The following DLST variants were observed in gnomAD, a reference collection of about 807,000 sequenced individuals.
The protein encoded by DLST is dihydrolipoyllysine-residue succinyltransferase component of 2-oxoglutarate dehydrogenase complex, mitochondrial.
A neutral mutation model predicts 53.1 loss-of-function variants in DLST; 17 were observed. That is an observed-to-expected ratio of 0.32 (90% CI 0.22 to 0.48). The LOEUF (loss-of-function observed/expected upper bound fraction) is 0.48, where lower values mean the gene tolerates loss of function less well. Ranked by LOEUF, DLST falls within the 20% of genes least tolerant of loss-of-function variation. The pLI is 0.99. For missense variants in DLST, 512 were observed against 583.9 expected (o/e 0.88, Z 1.27); for synonymous variants, 206 against 204.8 (o/e 1.01, Z -0.05).
chr14:74,894,267 C>A (rs374052396), intron 9 of DLST, 45 bp from the exon 10 acceptor site: 1 of 1,608,022 alleles, frequency 6.2e-7, no homozygotes, highest in Admixed American at 1.7e-5. Flanking sequence ...AATGCTTGAC[C>A]CAGAGAGATC....
At chr14:74,895,381 G>GT (rs1158287698) in intron 10 of DLST, among the ~76,000 whole-genome samples, 2 of 152,232 alleles carry the variant, frequency 1.3e-5, no homozygotes, top group African/African-American at 4.8e-5. Context: ...ATGTGTTCAA[G>GT]TATCAGCACT....
In DLST at chr14:74,902,408, G is replaced by T; in HGVS notation, c.*78G>T. The stretch of plus-strand genomic sequence containing the variant: ...TCTCCCTGTCCCCTCATGGGTCCCG[G>T]GTTAGCCTGGTGACAGGCAGACACA... On this transcript the variant is annotated 3_prime_UTR_variant, in exon 15 of 15. Coordinates refer to ENST00000334220, the MANE Select transcript of DLST (RefSeq NM_001933.5). The T allele has an allele frequency of 6.7e-7, 1 of 1,486,382 alleles. No homozygotes were observed. Among genetic ancestry groups the T allele is most frequent in the Admixed American group, 1.9e-5 (1 of 51,436 alleles). 92.1% of individuals were successfully genotyped at this position (1,486,382 alleles called of 1,614,324 possible). A position where few individuals can be genotyped will look rare whatever the true frequency, so the allele number is the denominator to read the frequency against.
chr14:74,897,404 AT>A (rs1297499468), intron 10 of DLST, among the ~76,000 whole-genome samples: 1 of 152,242 alleles, frequency 6.6e-6, no homozygotes. Flanking sequence ...GTAGAACTGC[AT>A]TACTGCATTC....
chr14:74,889,186 A>T, intron 4 of DLST, 39 bp downstream of exon 4: 1 of 1,611,618 alleles, frequency 6.2e-7, no homozygotes. Flanking sequence ...TTTTATGGGA[A>T]GAGCAACAAT....
At position 74,885,611 on chromosome 14, in the gene DLST, T is replaced by C. The variant is rs1327449700; in HGVS notation, c.123T>C (p.Gly41=). The change falls in exon 3 of 15, where the codon GGT becomes GGC. Residue 41 remains glycine (G), a synonymous_variant. Transcript: ENST00000334220. The part of the protein sequence containing the change: ...LPGVSLCQGP[G]YPNSRKVVIN... Reference sequence around the variant, plus strand: ...GGGTCTCCTTATGCCAGGGACCAGGTTACCCTAACAGCAGGAAGGTTGTGT... The same window carrying C: ...GGGTCTCCTTATGCCAGGGACCAGGCTACCCTAACAGCAGGAAGGTTGTGT... The C allele has an allele frequency of 3.1e-6, 5 of 1,613,756 alleles. No homozygotes were observed. Among genetic ancestry groups the C allele is most frequent in the Admixed American group, 1.7e-5 (1 of 59,980 alleles).
At chr14:74,899,641 A>C (rs1448300359) in intron 11 of DLST, among the ~76,000 whole-genome samples, 1 of 152,228 alleles carries the variant, frequency 6.6e-6, no homozygotes, top group African/African-American at 2.4e-5. Context: ...AGTTTAGTGC[A>C]TACCTATCCT....
chr14:74,893,487 T>C (rs975056360), intron 9 of DLST, 63 bp downstream of exon 9: 60 of 1,575,256 alleles, frequency 3.8e-5, no homozygotes, highest in Non-Finnish European at 4.8e-5. Flanking sequence ...TAGTGGAGTA[T>C]GGGTGTGGTG....
At chr14:74,893,535 A>T (rs139700322) in intron 9 of DLST, 111 bp downstream of exon 9, 3 of 1,178,130 alleles carry the variant, frequency 2.5e-6, no homozygotes, top group Admixed American at 3.7e-5. Context: ...CATTCCCTCA[A>T]CCTTGATAAA....
chr14:74,894,737 C>T (rs1279553506), intron 10 of DLST, among the ~76,000 whole-genome samples: 7 of 151,662 alleles, frequency 4.6e-5, no homozygotes, highest in African/African-American at 9.7e-5. Context: ...TTAGTGGAGA[C>T]GGGGTTTCAC....
At chr14:74,898,819 TC>T (rs1404305423) in intron 11 of DLST, among the ~76,000 whole-genome samples, 1 of 151,572 alleles carries the variant, frequency 6.6e-6, no homozygotes, top group East Asian at 1.9e-4. Flanking sequence ...CTTCCTCCCC[TC>T]CCCCAGCTCC....
intron 5 of DLST, 123 bp downstream of exon 5, chr14:74,889,472 G>T: frequency 1.3e-6 from 1 of 782,422 alleles, no homozygotes; most frequent in Admixed American, 2.9e-5. Flanking sequence ...AGGTTCAAGT[G>T]ATTCTCCTGC....
At chr14:74,888,284 T>C (rs1883777609) in intron 3 of DLST, among the ~76,000 whole-genome samples, 1 of 151,722 alleles carries the variant, frequency 6.6e-6, no homozygotes, top group African/African-American at 2.4e-5. Flanking sequence ...GTTTTTTTTT[T>C]TTTTTTTTGG....
intron 3 of DLST, 64 bp downstream of exon 3, chr14:74,885,698 T>C (rs1264372825): frequency 6.8e-7 from 1 of 1,480,600 alleles, no homozygotes; most frequent in Non-Finnish European, 9.1e-7. Context: ...CATAAAGTTC[T>C]AAATTTGACC....
chr14:74,900,808 T>C (rs1356296061), intron 13 of DLST, among the ~76,000 whole-genome samples: 1 of 152,188 alleles, frequency 6.6e-6, no homozygotes, highest in Non-Finnish European at 1.5e-5. Flanking sequence ...TACTGCAGCC[T>C]TGCACTCCTG....
intron 1 of DLST, 84 bp from the exon 2 acceptor site, chr14:74,882,507 A>T: frequency 1.4e-6 from 2 of 1,388,744 alleles, no homozygotes; most frequent in Non-Finnish European, 2.0e-6. Context: ...CACCACTGGG[A>T]CAGCTTTGAG....
chr14:74,899,877 G>A (rs986460978), intron 11 of DLST, 46 bp from the exon 12 acceptor site: 1 of 1,474,508 alleles, frequency 6.8e-7, no homozygotes, highest in Non-Finnish European at 9.4e-7. Context: ...CATTAGTCTT[G>A]GCCTTCCTGG....
chr14:74,882,719 A>G, intron 2 of DLST, 95 bp downstream of exon 2: 1 of 1,183,332 alleles, frequency 8.5e-7, no homozygotes, highest in Non-Finnish European at 1.3e-6. Flanking sequence ...CATAATATTT[A>G]AAGACAGTTT....
chr14:74,885,088 A>C (rs548212520), intron 2 of DLST, among the ~76,000 whole-genome samples: 1 of 152,320 alleles, frequency 6.6e-6, no homozygotes, highest in East Asian at 1.9e-4. Context: ...AAAGTAGCCA[A>C]GTCTTTGCTA....
rs145141161 is a variant in DLST at position 74,902,057 on chromosome 14, A to G, written c.1228-139A>G. 3,029 of 931,294 alleles carry G rather than the reference A, an allele frequency of 3.3e-3. 8 individuals carry two copies. The highest frequency in any genetic ancestry group is 0.025 in the Middle Eastern group (91 of 3,618). The allele number at this position is 931,294 out of a possible 1,614,324, so 57.7% of individuals were successfully genotyped here. A position where few individuals can be genotyped will look rare whatever the true frequency, so the allele number is the denominator to read the frequency against. ...CTGAGGGTAAGTCCTGGTCTTTGAAATACTGTAAATATGCAGAGGCAACAT... is the reference window on the plus strand; with the variant it reads ...CTGAGGGTAAGTCCTGGTCTTTGAAGTACTGTAAATATGCAGAGGCAACAT... On this transcript the variant is annotated intron_variant, in intron 14 of 14. Coordinates refer to ENST00000334220, the MANE Select transcript of DLST (RefSeq NM_001933.5).
Sources: gnomAD v4.1 joint callset for allele counts (sites outside exome capture counted in the v4.1 genomes callset) on GRCh38, gnomAD v4.1.1 for gene constraint, MANE v1.5 for transcripts, NCBI Gene and HGNC (gene_info 2026-07-23, HGNC 2026-07-21) for gene names.